The following TJP1 variants were observed in gnomAD, a reference collection of about 807,000 sequenced individuals.
TJP1 encodes tight junction protein 1.
TJP1 carries 43 observed loss-of-function variants against 194.2 expected under a neutral mutation model. The ratio of observed to expected loss-of-function variants is 0.22; its 90% CI spans 0.17 to 0.29. TJP1 has a LOEUF of 0.29. TJP1 is among the 10% of genes least tolerant of loss of function. The pLI, the probability that TJP1 is intolerant of heterozygous loss-of-function variation, is 1.00. For missense variants in TJP1, 1,971 were observed against 2,185.7 expected (o/e 0.90, Z 1.96); for synonymous variants, 801 against 779.0 (o/e 1.03, Z -0.47).
chr15:29,710,005 G>A (rs1290493408), intron 24 of TJP1, among the ~76,000 whole-genome samples: 2 of 152,104 alleles, frequency 1.3e-5, no homozygotes, highest in African/African-American at 2.4e-5. Context: ...AATTAGCCGG[G>A]CGTGGTGGTG....
chr15:29,759,504 C>T (rs1310487578), intron 8 of TJP1: 2 of 152,162 alleles, frequency 1.3e-5, no homozygotes, highest in Non-Finnish European at 2.9e-5. Flanking sequence ...TTAAGATCTA[C>T]TCTCTTAGCA....
At position 29,766,190 on chromosome 15, in the gene TJP1, A is replaced by T. The variant is rs992457051; in HGVS notation, c.589+76T>A. 7 of 1,523,814 alleles carry T rather than the reference A, an allele frequency of 4.6e-6. No individual in the cohort carries two copies. In the Admixed American group the frequency reaches 1.4e-4, roughly 31 times the overall value. 94.4% of individuals were successfully genotyped at this position (1,523,814 alleles called of 1,614,324 possible). Reference sequence around the variant, plus strand: ...GACAACAAAGCAAAGACATGAAGAGACAGCAACTGTACTTCTCATTAAAAT... The same window carrying T: ...GACAACAAAGCAAAGACATGAAGAGTCAGCAACTGTACTTCTCATTAAAAT... On this transcript the variant is annotated intron_variant, in intron 5 of 27. Transcript: ENST00000614355.
chr15:29,950,938 A>C (rs1203441891), intron 2 of TJP1, among the ~76,000 whole-genome samples: 1 of 152,084 alleles, frequency 6.6e-6, no homozygotes, highest in Non-Finnish European at 1.5e-5. Flanking sequence ...CTATTTGACA[A>C]AGTTGTTATG....
At chr15:29,939,941 G>A (rs1338833354) in intron 2 of TJP1, among the ~76,000 whole-genome samples, 2 of 152,088 alleles carry the variant, frequency 1.3e-5, no homozygotes, top group African/African-American at 2.4e-5. Flanking sequence ...CAACCCCCCA[G>A]TTTATGATAT....
intron 23 of TJP1, among the ~76,000 whole-genome samples, chr15:29,714,454 G>A (rs2151075913): frequency 6.6e-6 from 1 of 151,320 alleles, no homozygotes; most frequent in Admixed American, 6.6e-5. Context: ...TAGCCAGGAT[G>A]GTCTCGATCT....
intron 2 of TJP1, among the ~76,000 whole-genome samples, chr15:29,862,648 T>C (rs1364162209): frequency 1.9e-4 from 1 of 5,230 alleles, no homozygotes; most frequent in African/African-American, 1.3e-3. Flanking sequence ...TTTTCTTTTC[T>C]TTTTTTTTTT....
chr15:29,954,851 C>T (rs968920560), intron 2 of TJP1, among the ~76,000 whole-genome samples: 4 of 152,020 alleles, frequency 2.6e-5, no homozygotes, highest in South Asian at 2.1e-4. Flanking sequence ...GAGGCCGAGG[C>T]GGGTGGATCA....
At chr15:29,844,604 T>C (rs936241462) in intron 2 of TJP1, among the ~76,000 whole-genome samples, 85 of 152,012 alleles carry the variant, frequency 5.6e-4, no homozygotes, top group African/African-American at 1.9e-3. Flanking sequence ...GGAGTCAAGA[T>C]TTTTTATCTG....
chr15:29,944,985 G>A (rs1296835409), intron 2 of TJP1, among the ~76,000 whole-genome samples: 4 of 152,126 alleles, frequency 2.6e-5, no homozygotes, highest in Non-Finnish European at 5.9e-5. Flanking sequence ...TGTCTGTCTT[G>A]TTTTATGTTG....
intron 2 of TJP1, among the ~76,000 whole-genome samples, chr15:29,945,788 C>G (rs1041330045): frequency 7.0e-6 from 1 of 143,404 alleles, no homozygotes; most frequent in Non-Finnish European, 1.6e-5. Context: ...CACACACACA[C>G]ACACACACAC....
chr15:29,918,947 G>A (rs1342958158), intron 2 of TJP1, among the ~76,000 whole-genome samples: 2 of 152,072 alleles, frequency 1.3e-5, no homozygotes, highest in East Asian at 1.9e-4. Context: ...CTCCCAAAAC[G>A]ATATTGGTAT....
At chr15:29,914,245 A>G (rs1405334463) in intron 2 of TJP1, among the ~76,000 whole-genome samples, 2 of 152,222 alleles carry the variant, frequency 1.3e-5, no homozygotes, top group African/African-American at 4.8e-5. Context: ...GTGTTTTCAT[A>G]CATCATGGAG....
chr15:29,827,464 G>T (rs2050711616), upstream of TJP1, among the ~76,000 whole-genome samples: 1 of 152,166 alleles, frequency 6.6e-6, no homozygotes, highest in South Asian at 2.1e-4. Flanking sequence ...TCCCTGCCTG[G>T]GGATGGGATC....
chr15:29,737,306 A>C lies in TJP1; in HGVS notation c.1365T>G (p.Pro455=). 1 of 1,614,220 alleles carries C rather than the reference A, an allele frequency of 6.2e-7. No individual in the cohort carries two copies. The highest frequency in any genetic ancestry group is 8.5e-7 in the Non-Finnish European group (1 of 1,180,040). ...CTTCCTCTAAGCCTTCCTTGGCTGC[A>C]GGGCTATCTTCTAGAACGCCAGCTA... ...IFVAGVLEDS[P]AAKEGLEEGD... is the part of the protein sequence containing the mutation. The change falls in exon 11 of 28, where the codon CCT becomes CCG. Residue 455 remains proline (P), a synonymous_variant. Coordinates refer to ENST00000614355, the MANE Select transcript of TJP1 (RefSeq NM_001330239.4).
At chr15:29,847,126 G>A (rs2051442912) in intron 2 of TJP1, among the ~76,000 whole-genome samples, 2 of 151,784 alleles carry the variant, frequency 1.3e-5, no homozygotes, top group South Asian at 4.2e-4. Context: ...TTTTTGAGAC[G>A]GGGTCTTGCT....
At chr15:29,968,406 C>G (rs1429039717) in intron 1 of TJP1, 3 of 985,172 alleles carry the variant, frequency 3.0e-6, no homozygotes, top group Admixed American at 6.1e-5. Flanking sequence ...CCGGCCGCTC[C>G]CCGTCGCCCT....
chr15:29,742,758 C>T lies in TJP1; in HGVS notation c.1034G>A (p.Arg345Lys), dbSNP rs751362479. ...TGAGACAGCCCCAGGTTTAGAAATT[C>T]TCTCTTCATCTCTACTCCGGAGACT... ...NGSLRSRDEE[R>K]ISKPGAVSTP... is the part of the protein sequence containing the mutation. Residue 345 changes from arginine (R) to lysine (K), a missense_variant, in exon 9 of 28, where the codon AGA becomes AAA. Physicochemically the swap from Arg to Lys is conservative, Grantham distance 26 (BLOSUM62 2). This residue lies in a region of TJP1 where 192 missense variants were observed against 182.3 expected (regional missense o/e 1.05). Coordinates refer to ENST00000614355, the MANE Select transcript of TJP1 (RefSeq NM_001330239.4). The T allele has an allele frequency of 6.2e-7, 1 of 1,602,930 alleles. No homozygotes were observed.
exon 1 of TJP1, chr15:29,968,788 G>T: frequency 8.3e-7 from 1 of 1,211,096 alleles, no homozygotes; most frequent in Non-Finnish European, 1.1e-6. Context: ...TCGCGGGCAG[G>T]GCCCCGCCGC....
At chr15:29,966,275 G>A (rs973180850) in intron 1 of TJP1, among the ~76,000 whole-genome samples, 2 of 152,154 alleles carry the variant, frequency 1.3e-5, no homozygotes, top group African/African-American at 4.8e-5. Flanking sequence ...GGCCAAGGCA[G>A]GTGGATCACC....
Sources: gnomAD v4.1 joint callset for allele counts (sites outside exome capture counted in the v4.1 genomes callset) on GRCh38, gnomAD v4.1.1 for gene constraint, gnomAD v4.1.1 regional missense constraint, MANE v1.5 for transcripts, NCBI Gene and HGNC (gene_info 2026-07-23, HGNC 2026-07-21) for gene names.